The following KCNQ1 variants were observed in gnomAD, a reference collection of about 807,000 sequenced individuals.
KCNQ1 encodes the protein potassium voltage-gated channel subfamily KQT member 1.
In KCNQ1, 49 loss-of-function variants were observed where a neutral mutation model predicts 72.4. The observed-to-expected ratio is 0.68, with a 90% confidence interval of 0.54 to 0.86. KCNQ1 has a LOEUF of 0.86. Ranked by LOEUF, KCNQ1 falls within the 40% of genes least tolerant of loss-of-function variation. KCNQ1 has a pLI of 0.00. For missense variants in KCNQ1, 790 were observed against 945.1 expected (o/e 0.84, Z 2.15); for synonymous variants, 450 against 412.6 (o/e 1.09, Z -1.10).
intron 11 of KCNQ1, among the ~76,000 whole-genome samples, chr11:2,765,471 G>A (rs1048046506): frequency 6.6e-6 from 1 of 152,340 alleles, no homozygotes; most frequent in South Asian, 2.1e-4. Context: ...GTAGTCTCCA[G>A]TTGTAGGGAG....
chr11:2,601,203 GA>G lies in KCNQ1; in HGVS notation c.1393+12358del, dbSNP rs909570513. Among the ~76,000 whole-genome samples the G allele has an allele frequency of 2.0e-5, 3 of 150,578 alleles. No individual in the cohort carries two copies. The highest frequency in any genetic ancestry group is 2.1e-4 in the South Asian group (1 of 4,752). Reference sequence around the variant, plus strand: ...CACCCCTTCCACGAAAGTACAGAAAGAAAAAAAAATACTGTCCAGTTGGAAT... The same window carrying G: ...CACCCCTTCCACGAAAGTACAGAAAGAAAAAAAATACTGTCCAGTTGGAAT... On this transcript the variant is annotated intron_variant, in intron 10 of 15. Coordinates refer to ENST00000155840, the MANE Select transcript of KCNQ1 (RefSeq NM_000218.3). This position sits in a 1 kb window ranked among gnomAD's most constrained non-coding sequence, Gnocchi z 5.2.
chr11:2,648,981 CTTTTTT>C, intron 10 of KCNQ1: 308 of 308,074 alleles, frequency 1.0e-3, no homozygotes, highest in South Asian at 1.6e-3. Context: ...TTTTCTTTTT[CTTTTTT>C]TTTTTTTTTT....
chr11:2,647,271 T>C lies in KCNQ1; in HGVS notation c.1394-14690T>C. On this transcript the variant is annotated intron_variant, in intron 10 of 15. Coordinates refer to ENST00000155840, the MANE Select transcript of KCNQ1 (RefSeq NM_000218.3). The surrounding 1 kb of genome is among the most constrained non-coding windows in gnomAD (Gnocchi z 4.0). ...TCCTTCCTTCTGTTAATGTGATGTATCACATTTATTGATTTGTATATGTTG... is the reference window on the plus strand; with the variant it reads ...TCCTTCCTTCTGTTAATGTGATGTACCACATTTATTGATTTGTATATGTTG... 2.5e-6 allele frequency: 1 copy of C among 398,534 alleles called. No individual in the cohort carries two copies. Among genetic ancestry groups the C allele is most frequent in the Non-Finnish European group, 4.4e-6 (1 of 226,056 alleles). The allele number at this position is 398,534 out of a possible 1,614,324, so 24.7% of individuals were successfully genotyped here.
intron 10 of KCNQ1, chr11:2,655,882 C>A (rs1187729271): frequency 1.0e-5 from 4 of 398,630 alleles, no homozygotes; most frequent in Non-Finnish European, 1.8e-5. Context: ...GCCTTCTCTG[C>A]CCCTTGTTAT....
At chr11:2,572,741 C>A (rs1190134839) in intron 5 of KCNQ1, 105 bp from the exon 6 acceptor site, 2 of 1,466,116 alleles carry the variant, frequency 1.4e-6, no homozygotes, top group Non-Finnish European at 1.9e-6. Flanking sequence ...GCTGGAGCGG[C>A]GTAGGACGCC....
chr11:2,711,768 T>C lies in KCNQ1; in HGVS notation c.1514+49687T>C. ...GCAGCTTACAAAGGAGTTTTATTTT[T>C]CAAATTTCCTTTCAACTCGAGGGTC... On this transcript the variant is annotated intron_variant, in intron 11 of 15. Coordinates refer to ENST00000155840, the MANE Select transcript of KCNQ1 (RefSeq NM_000218.3). This position sits in a 1 kb window ranked among gnomAD's most constrained non-coding sequence, Gnocchi z 5.4. Among the ~76,000 whole-genome samples the C allele has an allele frequency of 6.6e-6, 1 of 152,328 alleles. No individual in the cohort carries two copies. The highest frequency in any genetic ancestry group is 1.9e-4 in the East Asian group (1 of 5,178).
At position 2,687,442 on chromosome 11, in the gene KCNQ1, A is replaced by G. The variant is rs1186592990; in HGVS notation, c.1514+25361A>G. 2.5e-6 allele frequency: 1 copy of G among 398,602 alleles called. No homozygotes were observed. Among genetic ancestry groups the G allele is most frequent in the Non-Finnish European group, 4.4e-6 (1 of 226,216 alleles). The allele number at this position is 398,602 out of a possible 1,614,324, so 24.7% of individuals were successfully genotyped here. A position where few individuals can be genotyped will look rare whatever the true frequency, so the allele number is the denominator to read the frequency against. On this transcript the variant is annotated intron_variant, in intron 11 of 15. Transcript: ENST00000155840. The surrounding 1 kb of genome is among the most constrained non-coding windows in gnomAD (Gnocchi z 5.0). ...TGTGTCCACCCAGCTGTCCATACAG[A>G]TCCCTGCCTGCACAAGAGCTGCTGC...
chr11:2,649,385 T>C, intron 10 of KCNQ1: 1 of 398,584 alleles, frequency 2.5e-6, no homozygotes, highest in Non-Finnish European at 4.4e-6. Context: ...TAGTGTTTTA[T>C]GCTTTTGTAG....
chr11:2,523,760 T>TG (rs1847440469), intron 1 of KCNQ1, among the ~76,000 whole-genome samples: 1 of 146,798 alleles, frequency 6.8e-6, no homozygotes, highest in Non-Finnish European at 1.5e-5. Flanking sequence ...AGTTTTTTTT[T>TG]TTTTTTTTTT....
chr11:2,747,009 G>A (rs1433758735), intron 11 of KCNQ1, among the ~76,000 whole-genome samples: 2 of 152,240 alleles, frequency 1.3e-5, no homozygotes, highest in African/African-American at 2.4e-5. Context: ...CCAGGCAGGC[G>A]TGGGAATCCA....
Position 2,544,582 on chromosome 11 carries a change from AGT to A in KCNQ1, c.477+16567_477+16568del, listed in dbSNP as rs141644896. Among the ~76,000 whole-genome samples the A allele has an allele frequency of 0.062, 9,408 of 152,052 alleles. 374 individuals carry two copies. Among genetic ancestry groups the A allele is most frequent in the Non-Finnish European group, 0.089 (6,059 of 67,968 alleles). ...TCTTGTACATCTTTTGAGGTACCTA[AGT>A]GTTTCATATTTTTTATGCTATGGTC... On this transcript the variant is annotated intron_variant, in intron 2 of 15. Transcript: ENST00000155840. This position sits in a 1 kb window ranked among gnomAD's most constrained non-coding sequence, Gnocchi z 4.4.
At chr11:2,553,715 T>A (rs1481700636) in intron 2 of KCNQ1, among the ~76,000 whole-genome samples, 9 of 151,916 alleles carry the variant, frequency 5.9e-5, no homozygotes, top group African/African-American at 1.2e-4. Context: ...TGTACTTTTT[T>A]AAATTTTTTA....
In KCNQ1 at chr11:2,704,170, C is replaced by T. The variant is rs1850868193; in HGVS notation, c.1514+42089C>T. Among the ~76,000 whole-genome samples the T allele has an allele frequency of 6.6e-6, 1 of 152,266 alleles. No homozygotes were observed. The highest frequency in any genetic ancestry group is 2.4e-5 in the African/African-American group (1 of 41,470). On this transcript the variant is annotated intron_variant, in intron 11 of 15. Transcript: ENST00000155840. The surrounding 1 kb of genome is among the most constrained non-coding windows in gnomAD (Gnocchi z 4.3). Reference sequence around the variant, plus strand: ...CCTGGGTAAGGGCTCTGTGATCCTGCAACGCCCACCTTCTTCCTTCACTGG... The same window carrying T: ...CCTGGGTAAGGGCTCTGTGATCCTGTAACGCCCACCTTCTTCCTTCACTGG...
intron 10 of KCNQ1, chr11:2,609,513 G>A (rs1848941628): frequency 5.0e-6 from 2 of 398,342 alleles, no homozygotes; most frequent in African/African-American, 2.1e-5. Flanking sequence ...GTTGGGCGAA[G>A]TGCTCTATAA....
Position 2,567,566 on chromosome 11 carries a change from G to A in KCNQ1, c.478-3062G>A, listed in dbSNP as rs1564818960. Among the ~76,000 whole-genome samples, 2 of 152,206 alleles carry A rather than the reference G, an allele frequency of 1.3e-5. No individual in the cohort carries two copies. ...TGGTGGTGGAGATAGTTTTATCTCT[G>A]AGCAAACATTCCATCTTGCTGTTTC... On this transcript the variant is annotated intron_variant, in intron 2 of 15. Transcript: ENST00000155840. This position sits in a 1 kb window ranked among gnomAD's most constrained non-coding sequence, Gnocchi z 6.6.
rs150199504 is a variant in KCNQ1, at chr11:2,793,730, C to G, written c.1794+15693C>G. 5.3e-3 allele frequency among the ~76,000 whole-genome samples: 811 copies of G among 152,338 alleles called. 6 individuals carry two copies. The highest frequency in any genetic ancestry group is 0.014 in the Middle Eastern group (4 of 294). Reference sequence around the variant, plus strand: ...AAAGGAAAAAAGCAAAGGAATCCTTCTGAAGCACTGTGGGCATTTATTCAT... The same window carrying G: ...AAAGGAAAAAAGCAAAGGAATCCTTGTGAAGCACTGTGGGCATTTATTCAT... On this transcript the variant is annotated intron_variant, in intron 15 of 15. Transcript: ENST00000155840.
intron 6 of KCNQ1, among the ~76,000 whole-genome samples, chr11:2,573,493 ACCCCAGCAGAGATCAGAGAGC>A (rs1322775291): frequency 6.6e-6 from 1 of 152,046 alleles, no homozygotes; most frequent in African/African-American, 2.4e-5. Flanking sequence ...GGCTCAAGAG[ACCCCAGCAGAGATCAGAGAGC>A]CCCCGTGTTT....
chr11:2,731,887 A>G (rs1164666232), intron 11 of KCNQ1, among the ~76,000 whole-genome samples: 1 of 152,222 alleles, frequency 6.6e-6, no homozygotes, highest in Non-Finnish European at 1.5e-5. Flanking sequence ...CATCAGGACC[A>G]CAATTCTGAG....
Position 2,559,937 on chromosome 11 carries a change from G to A in KCNQ1, c.478-10691G>A, listed in dbSNP as rs1848134237. Among the ~76,000 whole-genome samples the A allele has an allele frequency of 6.6e-6, 1 of 151,726 alleles. No homozygotes were observed. Among genetic ancestry groups the A allele is most frequent in the South Asian group, 2.1e-4 (1 of 4,796 alleles). On this transcript the variant is annotated intron_variant, in intron 2 of 15. Coordinates refer to ENST00000155840, the MANE Select transcript of KCNQ1 (RefSeq NM_000218.3). The surrounding 1 kb of genome is among the most constrained non-coding windows in gnomAD (Gnocchi z 4.9). ...TTTCCTGGGTGTGTCTTCCTGCAGG[G>A]CCAGGACCCCCAGAGTGTTCCAGTG...
Sources: allele counts gnomAD v4.1 joint callset (sites outside exome capture counted in the v4.1 genomes callset), GRCh38; gene constraint gnomAD v4.1.1; non-coding constraint Gnocchi (gnomAD v3.1); transcripts MANE v1.5; gene names NCBI Gene and HGNC (gene_info 2026-07-23, HGNC 2026-07-21).